The following TNS1 variants were observed in gnomAD, a reference collection of about 807,000 sequenced individuals.
TNS1 encodes the protein tensin-1.
TNS1 carries 62 observed loss-of-function variants against 168.6 expected under a neutral mutation model. The observed-to-expected ratio is 0.37, with a 90% CI of 0.30 to 0.45. TNS1 has a LOEUF of 0.45. Ranked by LOEUF, TNS1 falls within the 20% of genes least tolerant of loss-of-function variation. The pLI is 1.00. For synonymous variants in TNS1, 934 were observed against 933.2 expected, an observed-to-expected ratio of 1.00 and a Z score of -0.02; for missense variants, 2,240 against 2,339.4, an observed-to-expected ratio of 0.96 and a Z score of 0.88.
In TNS1 at chr2:217,801,269, CT is replaced by C. The variant is rs1252466420; in HGVS notation, c.*3189del. On this transcript the variant is annotated 3_prime_UTR_variant, in exon 33 of 33. Coordinates refer to ENST00000682258, the MANE Select transcript of TNS1 (RefSeq NM_001387777.1). ...CTCCCTGTTTTCCTTCGCAGGTCCCCTCTCCATTGTTTTCTCGCCCAATCCT... is the reference window on the plus strand; with the variant it reads ...CTCCCTGTTTTCCTTCGCAGGTCCCCCTCCATTGTTTTCTCGCCCAATCCT... 6.6e-6 allele frequency: 1 copy of C among 152,272 alleles called. No homozygotes were observed. Among genetic ancestry groups the C allele is most frequent in the African/African-American group, 2.4e-5 (1 of 41,452 alleles). 9.4% of individuals were successfully genotyped at this position (152,272 alleles called of 1,614,324 possible).
chr2:217,918,045 G>A (rs1014417399), intron 4 of TNS1, among the ~76,000 whole-genome samples: 2 of 152,140 alleles, frequency 1.3e-5, no homozygotes, highest in African/African-American at 4.8e-5. Flanking sequence ...ACGGGTGAAC[G>A]AGAAGGAGCT....
chr2:217,908,939 G>A (rs1355174346), intron 4 of TNS1, among the ~76,000 whole-genome samples: 2 of 152,066 alleles, frequency 1.3e-5, no homozygotes, highest in African/African-American at 4.8e-5. Flanking sequence ...GGCACGTTCT[G>A]CCCTCTCTCA....
chr2:217,997,341 C>T (rs900042004), intron 1 of TNS1, among the ~76,000 whole-genome samples: 3 of 152,156 alleles, frequency 2.0e-5, no homozygotes, highest in African/African-American at 4.8e-5. Flanking sequence ...GCATTGTTTT[C>T]GTTTTCATTT....
At chr2:217,974,974 T>C (rs1957859312) in intron 3 of TNS1, among the ~76,000 whole-genome samples, 1 of 152,178 alleles carries the variant, frequency 6.6e-6, no homozygotes, top group Non-Finnish European at 1.5e-5. Flanking sequence ...ATGTAACCAA[T>C]AGGATATTGT....
At chr2:217,824,878 C>T (rs1422855422) in intron 22 of TNS1, among the ~76,000 whole-genome samples, 1 of 152,140 alleles carries the variant, frequency 6.6e-6, no homozygotes, top group Non-Finnish European at 1.5e-5. Flanking sequence ...CTTTGGCTGC[C>T]CGTGGGCTCC....
intron 11 of TNS1, among the ~76,000 whole-genome samples, chr2:217,892,583 G>T (rs1014092362): frequency 6.6e-6 from 1 of 152,174 alleles, no homozygotes; most frequent in African/African-American, 2.4e-5. Context: ...AGACTGTTTT[G>T]CCAGACCCAG....
chr2:217,922,077 C>T (rs1575087880), intron 3 of TNS1, among the ~76,000 whole-genome samples: 1 of 152,180 alleles, frequency 6.6e-6, no homozygotes, highest in East Asian at 1.9e-4. Context: ...TAATCCACAC[C>T]AGCACGGGGC....
At position 217,969,280 on chromosome 2, in the gene TNS1, C is replaced by T. The variant is rs146471613; in HGVS notation, c.186+9485G>A. ...AACAAATGGATAACCACATGCAAAA[C>T]AGCATTTACCTTACTTCACATCATA... On this transcript the variant is annotated intron_variant, in intron 3 of 32. Coordinates refer to ENST00000682258, the MANE Select transcript of TNS1 (RefSeq NM_001387777.1). Among the ~76,000 whole-genome samples, 1,244 of 152,246 alleles carry T rather than the reference C, an allele frequency of 8.2e-3. 17 individuals are homozygous for T. Among genetic ancestry groups the T allele is most frequent in the African/African-American group, 0.028 (1,174 of 41,532 alleles).
At chr2:218,021,435 G>A (rs1958805323) in intron 1 of TNS1, among the ~76,000 whole-genome samples, 1 of 152,318 alleles carries the variant, frequency 6.6e-6, no homozygotes, top group East Asian at 1.9e-4. Context: ...CCACCTTCCA[G>A]GTAGGAAAGT....
chr2:217,876,347 G>A (rs868774387), intron 18 of TNS1, among the ~76,000 whole-genome samples: 5 of 152,196 alleles, frequency 3.3e-5, no homozygotes, highest in South Asian at 2.1e-4. Context: ...TGGGCACGGG[G>A]CATCAGAACT....
At chr2:217,864,920 G>T (rs1049674779) in intron 18 of TNS1, among the ~76,000 whole-genome samples, 1 of 152,316 alleles carries the variant, frequency 6.6e-6, no homozygotes, top group South Asian at 2.1e-4. Context: ...GTTGGGGTAC[G>T]CAGTGGGGCA....
intron 19 of TNS1, among the ~76,000 whole-genome samples, chr2:217,844,546 G>A (rs1946391944): frequency 6.6e-6 from 1 of 152,126 alleles, no homozygotes; most frequent in African/African-American, 2.4e-5. Context: ...TGTCTTCACT[G>A]TGAACCCTCT....
intron 6 of TNS1, 61 bp downstream of exon 6, chr2:217,906,274 A>ATTC: frequency 2.6e-6 from 1 of 388,352 alleles, no homozygotes; most frequent in Admixed American, 4.4e-5. Flanking sequence ...CTCCCACCCC[A>ATTC]CCCCATTCCC....
At chr2:218,003,328 G>A (rs1035446000), upstream of TNS1, among the ~76,000 whole-genome samples, 11 of 152,090 alleles carry the variant, frequency 7.2e-5, no homozygotes, top group Admixed American at 4.6e-4. Context: ...CAGCCTGGGG[G>A]CCTTCACTCC....
intron 19 of TNS1, among the ~76,000 whole-genome samples, chr2:217,836,724 T>C (rs923613139): frequency 6.6e-6 from 1 of 152,184 alleles, no homozygotes; most frequent in Non-Finnish European, 1.5e-5. Flanking sequence ...CCAGCCCCAG[T>C]TGGCCTCTGG....
chr2:217,931,805 C>T (rs146853316), intron 3 of TNS1, among the ~76,000 whole-genome samples: 16 of 152,220 alleles, frequency 1.1e-4, no homozygotes, highest in African/African-American at 3.6e-4. Context: ...TTTTCGGAAA[C>T]GTTAAAATGT....
chr2:217,942,286 G>A (rs1956951293), intron 3 of TNS1, among the ~76,000 whole-genome samples: 3 of 152,148 alleles, frequency 2.0e-5, no homozygotes, highest in African/African-American at 4.8e-5. Flanking sequence ...CGGCCGGACT[G>A]GCCGAGACCC....
intron 4 of TNS1, among the ~76,000 whole-genome samples, chr2:217,917,620 T>C (rs1363628698): frequency 6.6e-6 from 1 of 151,650 alleles, no homozygotes; most frequent in Admixed American, 6.6e-5. Context: ...TCATTTGAGG[T>C]CAGGAGTTCA....
chr2:217,809,760 A>C (rs956477546), intron 30 of TNS1, 63 bp downstream of exon 30: 1 of 1,524,294 alleles, frequency 6.6e-7, no homozygotes, highest in African/African-American at 1.4e-5. Flanking sequence ...GTGTGGGTAC[A>C]CGGATGAATA....
Sources: allele counts gnomAD v4.1 joint callset (sites outside exome capture counted in the v4.1 genomes callset), GRCh38; gene constraint gnomAD v4.1.1; transcripts MANE v1.5; gene names NCBI Gene and HGNC (gene_info 2026-07-23, HGNC 2026-07-21).